Variants in MECR observed in about 807,000 individuals in gnomAD.
The protein encoded by MECR is enoyl-[acyl-carrier-protein] reductase, mitochondrial.
A neutral mutation model predicts 49.1 loss-of-function variants in MECR; 37 were observed. That is an observed-to-expected ratio of 0.75 (90% CI 0.58 to 0.99). MECR has a LOEUF of 0.99. Among genes scored for constraint, MECR ranks in the 50% least tolerant of loss-of-function variants. The probability of loss-of-function intolerance (pLI) is 0.00; values close to 1 mark genes in which losing one functional copy is unlikely to be tolerated. For synonymous variants in MECR, 198 were observed against 191.1 expected (o/e 1.04, Z -0.30); for missense variants, 470 against 479.6 (o/e 0.98, Z 0.19).
the MECR span, among the ~76,000 whole-genome samples, chr1:29,174,952 G>A: frequency 1.3e-5 from 2 of 149,562 alleles, no homozygotes; most frequent in African/African-American, 4.9e-5. Flanking sequence ...GATTATAGGC[G>A]TGAGCCACCA....
chr1:29,218,700 A>G (rs967498275), intron 1 of MECR, among the ~76,000 whole-genome samples: 2 of 152,184 alleles, frequency 1.3e-5, no homozygotes, highest in East Asian at 3.8e-4. Flanking sequence ...GTGAAACCCC[A>G]TCTCTTCTAA....
At chr1:29,171,786 C>T in the MECR span, 1 of 152,044 alleles carries the variant, frequency 6.6e-6, no homozygotes, top group Non-Finnish European at 1.5e-5. Context: ...ATATCCTGTG[C>T]CTATCTTTTA....
chr1:29,215,732 G>A (rs764333616), intron 3 of MECR, among the ~76,000 whole-genome samples: 15 of 151,902 alleles, frequency 9.9e-5, no homozygotes, highest in African/African-American at 1.9e-4. Flanking sequence ...TTAGCCGGGC[G>A]TGGTGGTAGG....
chr1:29,183,911 G>A, the MECR span, among the ~76,000 whole-genome samples: 15,049 of 138,636 alleles, frequency 0.11, 994 homozygotes, highest in African/African-American at 0.21. Flanking sequence ...ACTGAGTCTC[G>A]CACTGTCGCC....
chr1:29,220,755 C>T, intron 1 of MECR: 1 of 305,594 alleles, frequency 3.3e-6, no homozygotes. Flanking sequence ...CAGAATATTC[C>T]TCCGTAAAAT....
the MECR span, chr1:29,171,518 C>G: frequency 6.6e-6 from 1 of 151,470 alleles, no homozygotes; most frequent in Non-Finnish European, 1.5e-5. Flanking sequence ...CCCATCAGTA[C>G]AAACTAGGGA....
At chr1:29,210,195 G>T (rs751191747) in intron 3 of MECR, among the ~76,000 whole-genome samples, 19 of 152,178 alleles carry the variant, frequency 1.2e-4, no homozygotes, top group Non-Finnish European at 2.4e-4. Flanking sequence ...GTATTTTTTA[G>T]TAGAGATGGG....
At chr1:29,216,787 G>A in intron 1 of MECR, 102 bp from the exon 2 acceptor site, 1 of 1,585,888 alleles carries the variant, frequency 6.3e-7, no homozygotes, top group Non-Finnish European at 8.6e-7. Context: ...TTTCTGAGCT[G>A]CCATGTGTGC....
chr1:29,227,656 A>G (rs1682438267), intron 1 of MECR, among the ~76,000 whole-genome samples: 1 of 152,068 alleles, frequency 6.6e-6, no homozygotes, highest in African/African-American at 2.4e-5. Context: ...ATCACAAACC[A>G]CACTAGTTCT....
chr1:29,181,610 TC>T, the MECR span: 1 of 1,543,570 alleles, frequency 6.5e-7, no homozygotes, highest in Non-Finnish European at 8.8e-7. Flanking sequence ...ATGGGGTCTG[TC>T]CCCGCCCGGC....
the MECR span, among the ~76,000 whole-genome samples, chr1:29,185,452 G>A: frequency 1.5e-3 from 222 of 151,578 alleles, no homozygotes; most frequent in Non-Finnish European, 2.5e-3. Context: ...AGTTTAACTC[G>A]TTGCCCAGGC....
intron 1 of MECR, among the ~76,000 whole-genome samples, chr1:29,225,305 G>A (rs1681778643): frequency 6.6e-6 from 1 of 152,068 alleles, no homozygotes; most frequent in African/African-American, 2.4e-5. Context: ...CGGGGTCTCT[G>A]CACATGCAGG....
chr1:29,194,079 A>G lies in MECR; in HGVS notation c.1065T>C (p.Ser355=), dbSNP rs1239999114. ...CSQVPLQDYQ[S]ALEASMKPFI... is the part of the protein sequence containing the mutation. ...AGGGCTTCATGGAGGCTTCCAAGGC[A>G]GACTGGTAGTCCTGCAGCGGGACCT... The change falls in exon 10 of 10, where the codon TCT becomes TCC. Residue 355 remains serine, a synonymous_variant. Transcript: ENST00000263702. The G allele has an allele frequency of 6.2e-7, 1 of 1,614,174 alleles. No homozygotes were observed. Among genetic ancestry groups the G allele is most frequent in the Non-Finnish European group, 8.5e-7 (1 of 1,180,022 alleles).
At position 29,201,538 on chromosome 1, in the gene MECR, T is replaced by G. The variant is rs1437578212; in HGVS notation, c.756+405A>C. The stretch of plus-strand genomic sequence containing the variant: ...CCTAATCTGTAAAACAGATAACAGT[T>G]CCTTTGAAAAGCTTTTGTGGAAATC... On this transcript the variant is annotated intron_variant, in intron 6 of 9. Transcript: ENST00000263702. This position sits in a 1 kb window ranked among gnomAD's most constrained non-coding sequence, Gnocchi z 4.3. The G allele has an allele frequency of 2.2e-6, 1 of 459,262 alleles. No homozygotes were observed. Among genetic ancestry groups the G allele is most frequent in the Non-Finnish European group, 4.4e-6 (1 of 226,492 alleles). 28.4% of individuals were successfully genotyped at this position (459,262 alleles called of 1,614,324 possible).
intron 1 of MECR, among the ~76,000 whole-genome samples, chr1:29,225,711 T>C (rs1425580085): frequency 1.3e-5 from 2 of 152,202 alleles, no homozygotes; most frequent in Admixed American, 1.3e-4. Flanking sequence ...ATGCTATTTT[T>C]TCCCCAAAGT....
chr1:29,171,453 A>G, the MECR span: 1 of 150,290 alleles, frequency 6.7e-6, no homozygotes, highest in South Asian at 2.2e-4. Context: ...GGAGTTGTCA[A>G]TAACTCATTT....
At chr1:29,213,009 T>A (rs974066939) in intron 3 of MECR, among the ~76,000 whole-genome samples, 3 of 152,236 alleles carry the variant, frequency 2.0e-5, no homozygotes, top group Admixed American at 2.0e-4. Flanking sequence ...TTCCAGCAGC[T>A]CTTCCAGACT....
intron 4 of MECR, among the ~76,000 whole-genome samples, chr1:29,204,529 C>T (rs980550258): frequency 2.6e-5 from 4 of 152,040 alleles, no homozygotes; most frequent in Non-Finnish European, 5.9e-5. Context: ...AAGGGTATTT[C>T]ACGAAACTTT....
chr1:29,176,368 T>A, the MECR span, among the ~76,000 whole-genome samples: 3 of 152,072 alleles, frequency 2.0e-5, no homozygotes, highest in Non-Finnish European at 4.4e-5. Flanking sequence ...ATAAAAATGA[T>A]AAAGCACTTC....
Sources: gnomAD v4.1 joint callset for allele counts (sites outside exome capture counted in the v4.1 genomes callset) on GRCh38, gnomAD v4.1.1 for gene constraint, Gnocchi (gnomAD v3.1) non-coding constraint, MANE v1.5 for transcripts, NCBI Gene and HGNC (gene_info 2026-07-23, HGNC 2026-07-21) for gene names.